Variants in CDYL observed in about 807,000 individuals in gnomAD.
The protein encoded by CDYL is chromodomain Y-like protein.
Under a neutral mutation model 47.3 loss-of-function variants are expected in CDYL, and 8 were observed. The ratio of observed to expected loss-of-function variants is 0.17; its 90% CI spans 0.10 to 0.31. CDYL has a LOEUF of 0.31. Ranked by LOEUF, CDYL falls within the 10% of genes least tolerant of loss-of-function variation. CDYL has a pLI of 1.00. For synonymous variants in CDYL, 266 were observed against 265.0 expected (o/e 1.00, Z -0.04); for missense variants, 471 against 701.4 (o/e 0.67, Z 3.71).
At chr6:4,707,308 G>T (rs187636115) in intron 1 of CDYL, among the ~76,000 whole-genome samples, 1 of 152,028 alleles carries the variant, frequency 6.6e-6, no homozygotes, top group Non-Finnish European at 1.5e-5. Flanking sequence ...ACAGAGTCTC[G>T]CTCTGTCACC....
chr6:4,843,450 C>T (rs1760561833), intron 1 of CDYL, among the ~76,000 whole-genome samples: 1 of 150,970 alleles, frequency 6.6e-6, no homozygotes, highest in Non-Finnish European at 1.5e-5. Context: ...TCCTCAGTAA[C>T]ACCATTTATT....
At chr6:4,873,723 T>C (rs1042431886) in intron 1 of CDYL, among the ~76,000 whole-genome samples, 7 of 152,250 alleles carry the variant, frequency 4.6e-5, no homozygotes, top group African/African-American at 7.2e-5. Context: ...TAATATACAA[T>C]TCTGTCATTA....
chr6:4,794,744 C>T (rs1759023198), intron 1 of CDYL, among the ~76,000 whole-genome samples: 1 of 152,022 alleles, frequency 6.6e-6, no homozygotes, highest in Non-Finnish European at 1.5e-5. Flanking sequence ...TTTTGCATAA[C>T]CTTTCTTGAT....
At chr6:4,824,876 T>G (rs1759935762) in intron 1 of CDYL, among the ~76,000 whole-genome samples, 1 of 151,472 alleles carries the variant, frequency 6.6e-6, no homozygotes, top group South Asian at 2.1e-4. Context: ...GCTGTTGGAT[T>G]TTTTTTTTCT....
chr6:4,854,032 C>T (rs183045856), intron 1 of CDYL, among the ~76,000 whole-genome samples: 1 of 152,322 alleles, frequency 6.6e-6, no homozygotes, highest in African/African-American at 2.4e-5. Flanking sequence ...CGTGGTGAGT[C>T]CCCTTGAAGT....
intron 2 of CDYL, among the ~76,000 whole-genome samples, chr6:4,725,841 C>G (rs1339311822): frequency 1.3e-5 from 2 of 152,256 alleles, no homozygotes; most frequent in Non-Finnish European, 2.9e-5. Context: ...GGGCTGTGAA[C>G]AAACTCCGGA....
chr6:4,800,006 C>G, intron 1 of CDYL, among the ~76,000 whole-genome samples: 1 of 152,018 alleles, frequency 6.6e-6, no homozygotes, highest in African/African-American at 2.4e-5. Context: ...TTTGGTATAT[C>G]TTTTTCCAGT....
At chr6:4,938,725 A>G (rs889535200) in intron 4 of CDYL, among the ~76,000 whole-genome samples, 2 of 151,098 alleles carry the variant, frequency 1.3e-5, no homozygotes, top group African/African-American at 4.9e-5. Context: ...AAATAGTATC[A>G]ATTTAGTTCT....
chr6:4,789,803 A>C (rs938326466), intron 1 of CDYL, among the ~76,000 whole-genome samples: 14 of 152,178 alleles, frequency 9.2e-5, no homozygotes, highest in Admixed American at 2.0e-4. Context: ...GGGCCCCCGC[A>C]GCACTCCATG....
intron 1 of CDYL, among the ~76,000 whole-genome samples, chr6:4,887,547 C>T (rs1428972677): frequency 6.6e-6 from 1 of 152,006 alleles, no homozygotes. Context: ...TGCTTTGTCT[C>T]TTGCAATCTT....
exon 2 of CDYL, chr6:4,715,745 T>C (rs1757244245): frequency 1.9e-6 from 3 of 1,612,204 alleles, no homozygotes; most frequent in Non-Finnish European, 2.5e-6. Context: ...TTGCAGGTGG[T>C]CATCAGAGAA....
At chr6:4,721,480 G>A (rs1482598952) in intron 2 of CDYL, among the ~76,000 whole-genome samples, 1 of 152,080 alleles carries the variant, frequency 6.6e-6, no homozygotes, top group African/African-American at 2.4e-5. Flanking sequence ...ACTCCCAGGA[G>A]TCAAGCAATT....
At chr6:4,745,632 T>C (rs1383527518) in intron 3 of CDYL, among the ~76,000 whole-genome samples, 1 of 151,880 alleles carries the variant, frequency 6.6e-6, no homozygotes, top group Non-Finnish European at 1.5e-5. Flanking sequence ...TCCACTCTGG[T>C]CAGGTAAAAC....
intron 2 of CDYL, among the ~76,000 whole-genome samples, chr6:4,730,275 G>A (rs1219890539): frequency 3.3e-5 from 5 of 152,154 alleles, no homozygotes; most frequent in Admixed American, 1.3e-4. Context: ...AAAGCGTAAC[G>A]GTTCCAGTAC....
At chr6:4,904,577 A>G (rs1447887755) in intron 2 of CDYL, among the ~76,000 whole-genome samples, 1 of 152,198 alleles carries the variant, frequency 6.6e-6, no homozygotes, top group African/African-American at 2.4e-5. Context: ...TATTTATGAT[A>G]ACATCTGGTC....
Position 4,776,769 on chromosome 6 carries a change from A to G in CDYL, c.-15A>G, listed in dbSNP as rs1427152908. The G allele has an allele frequency of 9.7e-7, 1 of 1,035,520 alleles. No individual in the cohort carries two copies. The highest frequency in any genetic ancestry group is 1.2e-6 in the Non-Finnish European group (1 of 807,836). 64.1% of individuals were successfully genotyped at this position (1,035,520 alleles called of 1,614,324 possible). ...CCCGACCCTGCCCCTCCCGCCCGCAACTCCGCCGCCCACCATGGCTTCCGA... is the reference window on the plus strand; with the variant it reads ...CCCGACCCTGCCCCTCCCGCCCGCAGCTCCGCCGCCCACCATGGCTTCCGA... On this transcript the variant is annotated 5_prime_UTR_variant, in exon 1 of 7. Coordinates refer to ENST00000397588, the MANE Select transcript of CDYL (RefSeq NM_004824.4).
At chr6:4,893,416 G>A (rs1011539350) in intron 2 of CDYL, among the ~76,000 whole-genome samples, 2 of 152,208 alleles carry the variant, frequency 1.3e-5, no homozygotes, top group Non-Finnish European at 2.9e-5. Flanking sequence ...TCTTTAGCCG[G>A]GCGTGGTGGC....
At chr6:4,822,431 A>G (rs1403769707) in intron 1 of CDYL, among the ~76,000 whole-genome samples, 1 of 152,220 alleles carries the variant, frequency 6.6e-6, no homozygotes, top group Non-Finnish European at 1.5e-5. Flanking sequence ...GAAAAAATCA[A>G]TGGTACCATT....
chr6:4,933,653 G>C (rs1758097842), intron 2 of CDYL, among the ~76,000 whole-genome samples: 1 of 152,152 alleles, frequency 6.6e-6, no homozygotes, highest in Admixed American at 6.5e-5. Context: ...GTAGGGTAGA[G>C]GATGGAGGTT....
Sources: allele counts gnomAD v4.1 joint callset (sites outside exome capture counted in the v4.1 genomes callset), GRCh38; gene constraint gnomAD v4.1.1; transcripts MANE v1.5; gene names NCBI Gene and HGNC (gene_info 2026-07-23, HGNC 2026-07-21).